The following FOXN3 variants were observed in gnomAD, a reference collection of about 807,000 sequenced individuals.
The protein encoded by FOXN3 is forkhead box N3, also known as forkhead box protein N3.
A neutral mutation model predicts 38.4 loss-of-function variants in FOXN3; 7 were observed. The observed-to-expected ratio is 0.18, with a 90% CI of 0.10 to 0.34. The LOEUF is 0.34. FOXN3 is among the 10% of genes least tolerant of loss of function. The probability of loss-of-function intolerance (pLI) is 1.00; values close to 1 mark genes in which losing one functional copy is unlikely to be tolerated. For synonymous variants in FOXN3, 230 were observed against 242.2 expected (o/e 0.95, Z 0.47); for missense variants, 456 against 613.4 (o/e 0.74, Z 2.71).
At chr14:89,392,536 T>C (rs2140078711) in intron 2 of FOXN3, among the ~76,000 whole-genome samples, 1 of 152,244 alleles carries the variant, frequency 6.6e-6, no homozygotes, top group East Asian at 1.9e-4. Flanking sequence ...TCTCTGGTGA[T>C]GTCAGAATCC....
intron 1 of FOXN3, among the ~76,000 whole-genome samples, chr14:89,456,819 CCAGT>C (rs1303584948): frequency 6.6e-6 from 1 of 152,126 alleles, no homozygotes; most frequent in Non-Finnish European, 1.5e-5. Context: ...AGCTGAGAAG[CCAGT>C]CAGAGATGGG....
At chr14:89,347,677 GGC>G (rs1164777620) in intron 3 of FOXN3, among the ~76,000 whole-genome samples, 1 of 152,166 alleles carries the variant, frequency 6.6e-6, no homozygotes, top group African/African-American at 2.4e-5. Flanking sequence ...GCATGGGCCG[GGC>G]GCGGTGGCTC....
rs972193693 is a variant in FOXN3, at chr14:89,156,325, T to C, written c.*6089A>G. On this transcript the variant is annotated 3_prime_UTR_variant, in exon 6 of 6. Transcript: ENST00000557258. ...TGGCAATATGATTACATACGAAGAATGCAAAATGCAGGTATGGATGCCTTC... is the reference window on the plus strand; with the variant it reads ...TGGCAATATGATTACATACGAAGAACGCAAAATGCAGGTATGGATGCCTTC... The C allele has an allele frequency of 1.3e-5, 2 of 152,660 alleles. No individual in the cohort carries two copies. Among genetic ancestry groups the C allele is most frequent in the African/African-American group, 4.8e-5 (2 of 41,458 alleles). The allele number at this position is 152,660 out of a possible 1,614,324, so 9.5% of individuals were successfully genotyped here.
At chr14:89,249,636 G>A (rs995993203) in intron 4 of FOXN3, among the ~76,000 whole-genome samples, 2 of 152,122 alleles carry the variant, frequency 1.3e-5, no homozygotes, top group Admixed American at 1.3e-4. Context: ...CCTATGATAC[G>A]CCAGGGACTC....
chr14:89,458,833 C>T (rs951176889), intron 1 of FOXN3, among the ~76,000 whole-genome samples: 5 of 152,214 alleles, frequency 3.3e-5, no homozygotes, highest in South Asian at 2.1e-4. Context: ...AGTCCTGCCC[C>T]AGAGAAGATA....
Position 89,611,739 on chromosome 14 carries a change from G to C in FOXN3, c.-15+7289C>G, listed in dbSNP as rs556928075. On this transcript the variant is annotated intron_variant, in intron 1 of 6. Transcript: ENST00000345097. Reference sequence around the variant, plus strand: ...GAGAACGGCGTGAACCTGGGAGGCGGAGCTTGCAGTGAGCCGAGATCGTGC... The same window carrying C: ...GAGAACGGCGTGAACCTGGGAGGCGCAGCTTGCAGTGAGCCGAGATCGTGC... Among the ~76,000 whole-genome samples, 14 of 150,602 alleles carry C rather than the reference G, an allele frequency of 9.3e-5. No individual in the cohort carries two copies. The South Asian group carries it at 2.9e-3, about 32-fold the overall frequency.
At chr14:89,222,501 C>G (rs183215192) in intron 4 of FOXN3, among the ~76,000 whole-genome samples, 1 of 152,164 alleles carries the variant, frequency 6.6e-6, no homozygotes, top group South Asian at 2.1e-4. Context: ...TAATGTTTAC[C>G]GTGAATCTAA....
chr14:89,255,594 A>T (rs557871156), intron 4 of FOXN3, among the ~76,000 whole-genome samples: 1 of 152,264 alleles, frequency 6.6e-6, no homozygotes, highest in East Asian at 1.9e-4. Context: ...CCTGGTGAGG[A>T]TCTGAGGCCC....
At position 89,505,275 on chromosome 14, in the gene FOXN3, TCCCTCC is replaced by T. The variant is rs981168543; in HGVS notation, c.-14-92791_-14-92786del. On this transcript the variant is annotated intron_variant, in intron 1 of 6. Transcript: ENST00000345097. ...CTCCCTCTCCCTCTCCCTCTCCTTC[TCCCTCC>T]CCCTCCCCCTCCCCCTCTCCCCACG... Among the ~76,000 whole-genome samples, 105 of 148,346 alleles carry T rather than the reference TCCCTCC, an allele frequency of 7.1e-4. 1 individual carries two copies. Among genetic ancestry groups the T allele is most frequent in the South Asian group, 5.8e-3 (27 of 4,628 alleles).
intron 1 of FOXN3, among the ~76,000 whole-genome samples, chr14:89,444,223 T>C (rs1358143893): frequency 6.6e-6 from 1 of 151,734 alleles, no homozygotes; most frequent in Non-Finnish European, 1.5e-5. Context: ...AACTGAAATA[T>C]AGAGGAATTG....
Position 89,160,322 on chromosome 14 carries a change from A to C in FOXN3, c.*2092T>G, listed in dbSNP as rs1887069173. On this transcript the variant is annotated 3_prime_UTR_variant, in exon 6 of 6. Coordinates refer to ENST00000557258, the MANE Select transcript of FOXN3 (RefSeq NM_005197.4). The stretch of plus-strand genomic sequence containing the variant: ...TTTCTAAATTCAGCTCTCGCAATCT[A>C]GGTGGTCTTAATTCCAGGTTGGTCA... 2 of 148,948 alleles carry C rather than the reference A, an allele frequency of 1.3e-5. No individual in the cohort carries two copies. Among genetic ancestry groups the C allele is most frequent in the African/African-American group, 5.0e-5 (2 of 40,178 alleles). The allele number at this position is 148,948 out of a possible 1,614,324, so 9.2% of individuals were successfully genotyped here.
rs139004539 is a variant in FOXN3 at position 89,332,246 on chromosome 14, A to T, written c.680+18426T>A. On this transcript the variant is annotated intron_variant, in intron 3 of 5. Transcript: ENST00000557258. ...CAGACACCCTGCACAGTTAACTATG[A>T]CTCACTAAGTCAATGATTTTAAATA... Among the ~76,000 whole-genome samples, 1,390 of 152,290 alleles carry T rather than the reference A, an allele frequency of 9.1e-3. 18 individuals carry two copies. Among genetic ancestry groups the T allele is most frequent in the African/African-American group, 0.032 (1,348 of 41,524 alleles).
chr14:89,382,853 C>T (rs1291647984), intron 2 of FOXN3, among the ~76,000 whole-genome samples: 6 of 152,150 alleles, frequency 3.9e-5, no homozygotes, highest in Admixed American at 2.0e-4. Flanking sequence ...ATGACATGTA[C>T]GTGAAAGGGA....
At chr14:89,604,231 A>ACACACACGTGCGCG (rs1566715401) in intron 1 of FOXN3, among the ~76,000 whole-genome samples, 4 of 147,148 alleles carry the variant, frequency 2.7e-5, no homozygotes, top group African/African-American at 1.0e-4. Context: ...ACACACACAC[A>ACACACACGTGCGCG]CACACACACG....
intron 3 of FOXN3, chr14:89,284,671 C>G (rs962237479): frequency 2.8e-5 from 12 of 434,060 alleles, no homozygotes; most frequent in Non-Finnish European, 5.6e-5. Flanking sequence ...ACAAATGTCT[C>G]ATTTCAATAA....
At chr14:89,534,358 T>C (rs1255925957) in intron 1 of FOXN3, among the ~76,000 whole-genome samples, 1 of 152,130 alleles carries the variant, frequency 6.6e-6, no homozygotes, top group Non-Finnish European at 1.5e-5. Context: ...CACTTCAGCC[T>C]CCCAAAGTGC....
chr14:89,227,881 C>T (rs576436437), intron 4 of FOXN3, among the ~76,000 whole-genome samples: 217 of 152,292 alleles, frequency 1.4e-3, no homozygotes, highest in African/African-American at 4.9e-3. Context: ...CTGCAAGGCA[C>T]GGAATTCGGC....
intron 1 of FOXN3, among the ~76,000 whole-genome samples, chr14:89,478,155 T>C (rs1193362035): frequency 6.6e-6 from 1 of 152,132 alleles, no homozygotes; most frequent in Non-Finnish European, 1.5e-5. Context: ...TCTAGTTGTT[T>C]GAAAGTGTGT....
At chr14:89,533,738 G>A (rs948447685) in intron 1 of FOXN3, among the ~76,000 whole-genome samples, 1 of 146,396 alleles carries the variant, frequency 6.8e-6, no homozygotes, top group African/African-American at 2.5e-5. Flanking sequence ...GCAAAGTACT[G>A]ACTAAAAGCC....
Sources: gnomAD v4.1 joint callset for allele counts (sites outside exome capture counted in the v4.1 genomes callset) on GRCh38, gnomAD v4.1.1 for gene constraint, MANE v1.5 for transcripts, NCBI Gene and HGNC (gene_info 2026-07-23, HGNC 2026-07-21) for gene names.